The following PDZD2 variants were observed in gnomAD, a reference collection of about 807,000 sequenced individuals.
The protein encoded by PDZD2 is PDZ domain containing 2, also known as PDZ domain-containing protein 2.
Under a neutral mutation model 220.7 loss-of-function variants are expected in PDZD2, and 90 were observed. The observed-to-expected ratio is 0.41, with a 90% CI of 0.34 to 0.49. PDZD2 has a LOEUF of 0.49. PDZD2 is among the 20% of genes least tolerant of loss of function. The probability of loss-of-function intolerance (pLI) is 0.28; values close to 1 mark genes in which losing one functional copy is unlikely to be tolerated. For synonymous variants in PDZD2, 1,375 were observed against 1,450.5 expected, an observed-to-expected ratio of 0.95 and a Z score of 1.18; for missense variants, 3,174 against 3,608.5, an observed-to-expected ratio of 0.88 and a Z score of 3.08.
intron 6 of PDZD2, among the ~76,000 whole-genome samples, chr5:32,016,375 C>T (rs903281981): frequency 6.6e-6 from 1 of 152,146 alleles, no homozygotes; most frequent in South Asian, 2.1e-4. Context: ...TCTCTTGTTT[C>T]GGGGTTGACC....
At chr5:31,809,991 C>A (rs1479399408) in intron 2 of PDZD2, among the ~76,000 whole-genome samples, 1 of 152,180 alleles carries the variant, frequency 6.6e-6, no homozygotes, top group Non-Finnish European at 1.5e-5. Context: ...ACATAAGACA[C>A]TCGCTTTTAA....
In PDZD2 at chr5:32,098,512, A is replaced by G; in HGVS notation, c.8096A>G (p.Asp2699Gly). Residue 2699 changes from aspartate to glycine, a missense_variant, in exon 23 of 25, where the codon GAT becomes GGT. Asp to Gly is a moderately conservative substitution (Grantham distance 94). This residue lies in a region of PDZD2 where 631 missense variants were observed against 789.9 expected (regional missense o/e 0.80). Transcript: ENST00000438447. This position sits in a 1 kb window ranked among gnomAD's most constrained non-coding sequence, Gnocchi z 4.1. ...CTGCACCAGGCACAGCTGCACAAAG[A>G]TGCCCTCGTGGTCATCAAGAAAGGG... is the stretch of plus-strand genomic sequence containing the variant. The part of the protein sequence containing the change: ...KVLHQAQLHK[D>G]ALVVIKKGMD... 6.2e-7 allele frequency: 1 copy of G among 1,614,130 alleles called. No individual in the cohort carries two copies. The highest frequency in any genetic ancestry group is 8.5e-7 in the Non-Finnish European group (1 of 1,180,012).
chr5:31,982,859 A>G (rs1193947198), intron 2 of PDZD2, among the ~76,000 whole-genome samples: 5 of 152,190 alleles, frequency 3.3e-5, no homozygotes, highest in Admixed American at 6.5e-5. Context: ...ATATGTTAGC[A>G]TTGGCTCTGT....
intron 3 of PDZD2, among the ~76,000 whole-genome samples, chr5:31,992,761 T>C (rs1751318627): frequency 6.6e-6 from 1 of 150,942 alleles, no homozygotes; most frequent in Admixed American, 6.6e-5. Context: ...TTTTCTGTCC[T>C]GGGGGAGGAA....
At chr5:31,726,422 A>G (rs933875850) in intron 1 of PDZD2, among the ~76,000 whole-genome samples, 2 of 152,174 alleles carry the variant, frequency 1.3e-5, no homozygotes, top group African/African-American at 4.8e-5. Flanking sequence ...CCAGCTACTC[A>G]GGAGGCTGAG....
At chr5:31,975,797 TTTTTTATTTA>T (rs1196990262) in intron 2 of PDZD2, among the ~76,000 whole-genome samples, 643 of 47,140 alleles carry the variant, frequency 0.014, 61 homozygotes, top group African/African-American at 0.061. Context: ...CAGTCACTTT[TTTTTTATTTA>T]TTTTTTTTTT....
intron 1 of PDZD2, among the ~76,000 whole-genome samples, chr5:31,798,617 G>T (rs548788728): frequency 6.6e-6 from 1 of 152,168 alleles, no homozygotes; most frequent in East Asian, 1.9e-4. Context: ...GTTGGTGAGG[G>T]TTGTCTTGGC....
chr5:31,796,581 G>A (rs540826955), intron 1 of PDZD2, among the ~76,000 whole-genome samples: 1 of 152,296 alleles, frequency 6.6e-6, no homozygotes, highest in East Asian at 1.9e-4. Flanking sequence ...TTGTCCCAGC[G>A]TGGGTGAGAT....
chr5:32,022,111 G>A (rs1754242220), intron 6 of PDZD2, among the ~76,000 whole-genome samples: 2 of 151,762 alleles, frequency 1.3e-5, no homozygotes, highest in African/African-American at 2.4e-5. Context: ...CTTCTCTCAT[G>A]GTATTTTTTA....
At chr5:31,666,724 A>G (rs1746002333) in intron 1 of PDZD2, among the ~76,000 whole-genome samples, 1 of 152,216 alleles carries the variant, frequency 6.6e-6, no homozygotes, top group South Asian at 2.1e-4. Flanking sequence ...TGTATACCAT[A>G]AGAGAGTAAT....
chr5:31,691,931 A>G (rs1272206866), intron 1 of PDZD2, among the ~76,000 whole-genome samples: 1 of 152,252 alleles, frequency 6.6e-6, no homozygotes, highest in East Asian at 1.9e-4. Context: ...CACCAGACTC[A>G]GGAGCCCAGC....
chr5:32,097,488 A>T, intron 22 of PDZD2, 108 bp downstream of exon 22: 1 of 725,742 alleles, frequency 1.4e-6, no homozygotes, highest in Non-Finnish European at 2.5e-6. Flanking sequence ...GCTGGATTTC[A>T]TTCCCAGCTA....
chr5:31,657,486 C>G (rs534598309), intron 1 of PDZD2: 13 of 152,218 alleles, frequency 8.5e-5, no homozygotes, highest in African/African-American at 3.1e-4. Context: ...TTGCTTATGA[C>G]CCAGATCTGG....
chr5:31,752,033 CTT>C (rs1335159322), intron 1 of PDZD2, among the ~76,000 whole-genome samples: 1 of 92,288 alleles, frequency 1.1e-5, no homozygotes, highest in African/African-American at 3.8e-5. Context: ...CTCTCTCTCT[CTT>C]TGTATTTTTT....
At chr5:31,928,386 T>C (rs1744975269) in intron 2 of PDZD2, among the ~76,000 whole-genome samples, 1 of 152,206 alleles carries the variant, frequency 6.6e-6, no homozygotes, top group Non-Finnish European at 1.5e-5. Context: ...GAGCATTCTT[T>C]CATAGAGCAT....
chr5:31,866,701 G>C (rs1738263135), intron 2 of PDZD2, among the ~76,000 whole-genome samples: 1 of 152,180 alleles, frequency 6.6e-6, no homozygotes, highest in African/African-American at 2.4e-5. Flanking sequence ...CTGTGTTCTT[G>C]GGACCCAACG....
intron 1 of PDZD2, among the ~76,000 whole-genome samples, chr5:31,654,305 A>C (rs1745462280): frequency 6.6e-6 from 1 of 151,650 alleles, no homozygotes; most frequent in Non-Finnish European, 1.5e-5. Flanking sequence ...TGGATACCAC[A>C]CTCTTCAGGT....
chr5:32,044,732 G>C (rs1485145839), intron 7 of PDZD2, among the ~76,000 whole-genome samples: 1 of 152,196 alleles, frequency 6.6e-6, no homozygotes, highest in Non-Finnish European at 1.5e-5. Flanking sequence ...TGATGGTGCA[G>C]GGAAAGTTGG....
chr5:32,106,865 G>T (rs977742419), intron 24 of PDZD2, among the ~76,000 whole-genome samples: 2 of 152,186 alleles, frequency 1.3e-5, no homozygotes, highest in Non-Finnish European at 2.9e-5. Flanking sequence ...CCCACTACAG[G>T]GCTGATATTG....
Sources: gnomAD v4.1 joint callset for allele counts (sites outside exome capture counted in the v4.1 genomes callset) on GRCh38, gnomAD v4.1.1 for gene constraint, gnomAD v4.1.1 regional missense constraint, Gnocchi (gnomAD v3.1) non-coding constraint, MANE v1.5 for transcripts, NCBI Gene and HGNC (gene_info 2026-07-23, HGNC 2026-07-21) for gene names.